DSN1: variants seen among roughly 807,000 people sequenced by gnomAD.
The protein encoded by DSN1 is DSN1 component of MIS12 kinetochore complex.
Under a neutral mutation model 45.7 loss-of-function variants are expected in DSN1, and 31 were observed. The ratio of observed to expected loss-of-function variants is 0.68; its 90% confidence interval spans 0.51 to 0.92. The LOEUF (loss-of-function observed/expected upper bound fraction) is 0.92, where lower values mean the gene tolerates loss of function less well. Ranked by LOEUF, DSN1 falls within the 40% of genes least tolerant of loss-of-function variation. The pLI, the probability that DSN1 is intolerant of heterozygous loss-of-function variation, is 0.00. For missense variants in DSN1, 394 were observed against 414.2 expected (o/e 0.95, Z 0.42); for synonymous variants, 134 against 142.3 (o/e 0.94, Z 0.41).
chr20:36,754,689 G>T, intron 10 of DSN1, 74 bp downstream of exon 10: 1 of 1,298,442 alleles, frequency 7.7e-7, no homozygotes, highest in Non-Finnish European at 1.1e-6. Flanking sequence ...CATAGGCTTT[G>T]AAGGGCAGTT....
At position 36,766,802 on chromosome 20, in the gene DSN1, T is replaced by C. The variant is rs374989535; in HGVS notation, c.469A>G (p.Lys157Glu). 38 of 1,609,822 alleles carry C rather than the reference T, an allele frequency of 2.4e-5. No homozygotes were observed. The highest frequency in any genetic ancestry group is 3.1e-5 in the Non-Finnish European group (36 of 1,179,150). Reference protein sequence around the residue: ...QKLEPFLRDTKGFSLESFRAK... With the variant: ...QKLEPFLRDTEGFSLESFRAK... ...CTAAAACTTTCAAGACTGAAGCCCT[T>C]AGTGTCCCTTAGGAAAGGTTCAAGT... Residue 157 changes from lysine to glutamate, a missense_variant, in exon 5 of 11, where the codon AAG (lysine) becomes GAG (glutamate). Transcript: ENST00000373750.
At chr20:36,757,948 A>G (rs1398106922) in intron 8 of DSN1, 139 bp downstream of exon 8, 1 of 767,076 alleles carries the variant, frequency 1.3e-6, no homozygotes, top group Non-Finnish European at 2.2e-6. Context: ...AGAGAGTGCT[A>G]ATACACACTA....
chr20:36,773,395 C>G, intron 1 of DSN1: 1 of 985,548 alleles, frequency 1.0e-6, no homozygotes, highest in Non-Finnish European at 1.2e-6. Context: ...AGTCCTCACC[C>G]CTGTTTCTGG....
intron 6 of DSN1, among the ~76,000 whole-genome samples, chr20:36,761,347 T>C (rs1986970267): frequency 6.6e-6 from 1 of 152,170 alleles, no homozygotes; most frequent in Non-Finnish European, 1.5e-5. Flanking sequence ...TCCCATATAT[T>C]TGTTTATTGT....
At chr20:36,766,029 C>G (rs962678463) in intron 5 of DSN1, among the ~76,000 whole-genome samples, 3 of 150,508 alleles carry the variant, frequency 2.0e-5, no homozygotes, top group Non-Finnish European at 4.4e-5. Flanking sequence ...CCCGTCTCTA[C>G]TAAGTATACA....
At chr20:36,770,279 A>G (rs1568700164) in intron 3 of DSN1, among the ~76,000 whole-genome samples, 1 of 151,926 alleles carries the variant, frequency 6.6e-6, no homozygotes, top group Non-Finnish European at 1.5e-5. Context: ...CATCTTGCCT[A>G]GGTTGTCCTC....
In DSN1 at chr20:36,754,795, G is replaced by T. The variant is rs781340201; in HGVS notation, c.929C>A (p.Thr310Asn). The T allele has an allele frequency of 6.2e-7, 1 of 1,613,888 alleles. No homozygotes were observed. The highest frequency in any genetic ancestry group is 1.1e-5 in the South Asian group (1 of 91,080). ...TACTGACACCTTCTGGAAGCACTGG[G>T]TACTTTCATCCATAAAGGCCTGCAG... ...KQLQAFMDES[T>N]QCFQKVSVQL... Residue 310 changes from threonine (T) to asparagine (N), a missense_variant, in exon 10 of 11, where the codon ACC becomes AAC. Thr to Asn is a moderately conservative substitution (Grantham distance 65). Coordinates refer to ENST00000373750, the MANE Select transcript of DSN1 (RefSeq NM_001145315.2).
At chr20:36,762,686 G>C (rs1406278285) in intron 5 of DSN1, 138 bp from the exon 6 acceptor site, 1 of 605,600 alleles carries the variant, frequency 1.7e-6, no homozygotes, top group African/African-American at 1.9e-5. Context: ...CAAAAGTGTG[G>C]AGTTAAGTAT....
intron 6 of DSN1, among the ~76,000 whole-genome samples, chr20:36,761,835 C>A (rs1014590175): frequency 6.6e-6 from 1 of 151,452 alleles, no homozygotes; most frequent in Non-Finnish European, 1.5e-5. Flanking sequence ...CCATCTCCCC[C>A]ATCCCTACTA....
intron 5 of DSN1, among the ~76,000 whole-genome samples, chr20:36,764,275 G>T (rs1247743861): frequency 6.6e-6 from 1 of 151,972 alleles, no homozygotes; most frequent in African/African-American, 2.4e-5. Context: ...TGCTAGACTT[G>T]AAGAGTCCAC....
intron 6 of DSN1, among the ~76,000 whole-genome samples, chr20:36,760,866 G>A (rs1254277829): frequency 1.3e-5 from 2 of 152,056 alleles, no homozygotes; most frequent in East Asian, 1.9e-4. Context: ...CTCCAGCCTG[G>A]GTGACGAGAG....
At position 36,762,465 on chromosome 20, in the gene DSN1, T is replaced by C; in HGVS notation, c.586A>G (p.Asn196Asp). 1 of 1,613,310 alleles carries C rather than the reference T, an allele frequency of 6.2e-7. No individual in the cohort carries two copies. Among genetic ancestry groups the C allele is most frequent in the Non-Finnish European group, 8.5e-7 (1 of 1,179,662 alleles). The change falls in exon 6 of 11, where the codon AAT becomes GAT. Residue 196 changes from asparagine (N) to aspartate (D), a missense_variant. By Grantham distance (23) the Asn-to-Asp change is conservative. Transcript: ENST00000373750. Reference sequence around the variant, plus strand: ...CAGAAGGGGAACTGCTCTTACCCATTTGAATCTTCAAAACATTTTTGTAGA... The same window carrying C: ...CAGAAGGGGAACTGCTCTTACCCATCTGAATCTTCAAAACATTTTTGTAGA... ...GTLQKCFEDSNGKASDFSLEA... is the reference protein window; with the variant it reads ...GTLQKCFEDSDGKASDFSLEA...
intron 10 of DSN1, among the ~76,000 whole-genome samples, 189 bp from the exon 11 acceptor site, chr20:36,753,086 G>A (rs769664325): frequency 5.3e-5 from 8 of 151,728 alleles, no homozygotes; most frequent in South Asian, 4.1e-4. Flanking sequence ...GCTCACGCCT[G>A]TAATCCCAGC....
Position 36,771,427 on chromosome 20 carries a change from T to A in DSN1, c.32A>T (p.Asp11Val). MTSVTRSEII[D>V]EKGPVMSKTH... ...CTGAATTTCACTACAATACTTACCA[T>A]CTATGATCTCTGATCTAGTCACTGA... Residue 11 changes from aspartate to valine, a missense_variant and splice_region_variant, in exon 2 of 11, where the codon GAT becomes GTT. Physicochemically the swap from Asp to Val is radical, Grantham distance 152 (BLOSUM62 -3). Coordinates refer to ENST00000373750, the MANE Select transcript of DSN1 (RefSeq NM_001145315.2). 2 of 1,613,760 alleles carry A rather than the reference T, an allele frequency of 1.2e-6. No individual in the cohort carries two copies. The highest frequency in any genetic ancestry group is 1.7e-6 in the Non-Finnish European group (2 of 1,179,692).
intron 6 of DSN1, among the ~76,000 whole-genome samples, chr20:36,761,031 G>A (rs2148267741): frequency 6.6e-6 from 1 of 152,290 alleles, no homozygotes; most frequent in African/African-American, 2.4e-5. Context: ...CTTGTTGCTG[G>A]GTGGAAATTA....
intron 8 of DSN1, among the ~76,000 whole-genome samples, chr20:36,756,326 C>A (rs1435793256): frequency 6.6e-6 from 1 of 152,088 alleles, no homozygotes; most frequent in African/African-American, 2.4e-5. Context: ...TGTCTTTATA[C>A]CTCCGGACTC....
rs767299325 is a variant in DSN1, at chr20:36,755,785, A to G, written c.770T>C (p.Met257Thr). The G allele has an allele frequency of 3.1e-6, 5 of 1,614,094 alleles. No individual in the cohort carries two copies. Among genetic ancestry groups the G allele is most frequent in the Admixed American group, 1.7e-5 (1 of 60,000 alleles). Reference sequence around the variant, plus strand: ...ATTCTGAGAAGACCCAAGATATGTCATAGGTTCCACTTTGACCTCAGTAAT... The same window carrying G: ...ATTCTGAGAAGACCCAAGATATGTCGTAGGTTCCACTTTGACCTCAGTAAT... ...AKITEVKVEP[M>T]TYLGSSQNEV... The change falls in exon 9 of 11, where the codon ATG (methionine) becomes ACG (threonine). Residue 257 changes from methionine (M) to threonine (T), a missense_variant. Physicochemically the swap from Met to Thr is moderately conservative, Grantham distance 81. Coordinates refer to ENST00000373750, the MANE Select transcript of DSN1 (RefSeq NM_001145315.2).
chr20:36,766,092 G>A (rs1277926382), intron 5 of DSN1, among the ~76,000 whole-genome samples: 1 of 150,564 alleles, frequency 6.6e-6, no homozygotes, highest in Non-Finnish European at 1.5e-5. Context: ...TACTCAGGAG[G>A]CTGAGGCAGG....
intron 6 of DSN1, among the ~76,000 whole-genome samples, chr20:36,760,277 T>G (rs1418866714): frequency 6.6e-6 from 1 of 151,914 alleles, no homozygotes; most frequent in African/African-American, 2.4e-5. Context: ...AAAAAACAAC[T>G]CTGTGACTCT....
Sources: allele counts gnomAD v4.1 joint callset (sites outside exome capture counted in the v4.1 genomes callset), GRCh38; gene constraint gnomAD v4.1.1; transcripts MANE v1.5; gene names NCBI Gene and HGNC (gene_info 2026-07-23, HGNC 2026-07-21).